FSTL5: variants seen among roughly 807,000 people sequenced by gnomAD.
FSTL5 encodes the protein follistatin like 5.
A neutral mutation model predicts 89.1 loss-of-function variants in FSTL5; 62 were observed. The ratio of observed to expected loss-of-function variants is 0.70; its 90% CI spans 0.57 to 0.86. The LOEUF is 0.86. Among genes scored for constraint, FSTL5 ranks in the 40% least tolerant of loss-of-function variants. The pLI, the probability that FSTL5 is intolerant of heterozygous loss-of-function variation, is 0.00. For missense variants in FSTL5, 1,057 were observed against 1,001.6 expected, an observed-to-expected ratio of 1.06 and a Z score of -0.75; for synonymous variants, 383 against 346.2, an observed-to-expected ratio of 1.11 and a Z score of -1.18.
intron 3 of FSTL5, among the ~76,000 whole-genome samples, chr4:162,000,589 C>T (rs1416473869): frequency 6.7e-6 from 1 of 149,658 alleles, no homozygotes; most frequent in African/African-American, 2.5e-5. Flanking sequence ...CAGAGCGAGA[C>T]TCAGTCTAAA....
At chr4:161,629,093 T>G (rs1735409309) in intron 7 of FSTL5, among the ~76,000 whole-genome samples, 1 of 152,144 alleles carries the variant, frequency 6.6e-6, no homozygotes, top group African/African-American at 2.4e-5. Flanking sequence ...TAAGTTTGCT[T>G]TGTCCCTGAA....
intron 13 of FSTL5, among the ~76,000 whole-genome samples, chr4:161,471,838 G>T (rs1205169079): frequency 6.6e-6 from 1 of 151,984 alleles, no homozygotes; most frequent in Non-Finnish European, 1.5e-5. Flanking sequence ...ACATACAATT[G>T]TTCATGGTAC....
At chr4:161,646,403 G>A (rs1008830009) in intron 7 of FSTL5, among the ~76,000 whole-genome samples, 5 of 150,850 alleles carry the variant, frequency 3.3e-5, no homozygotes, top group African/African-American at 1.2e-4. Flanking sequence ...TAAAATCTCT[G>A]TCTCTGAAAT....
chr4:161,637,709 A>G (rs1389000202), intron 7 of FSTL5, among the ~76,000 whole-genome samples: 2 of 117,638 alleles, frequency 1.7e-5, no homozygotes, highest in Non-Finnish European at 3.4e-5. Flanking sequence ...AGCACCATTT[A>G]TTAAATAGGG....
At chr4:161,959,767 T>C (rs933380129) in intron 3 of FSTL5, among the ~76,000 whole-genome samples, 34 of 152,214 alleles carry the variant, frequency 2.2e-4, no homozygotes, top group Middle Eastern at 3.4e-3. Context: ...TGGGTGAGAA[T>C]TGGACATCTG....
intron 3 of FSTL5, among the ~76,000 whole-genome samples, chr4:162,020,817 G>A (rs1257127561): frequency 1.3e-5 from 2 of 151,876 alleles, no homozygotes; most frequent in Non-Finnish European, 2.9e-5. Flanking sequence ...AAAGATAAAA[G>A]TATTTCAAAT....
intron 2 of FSTL5, among the ~76,000 whole-genome samples, chr4:162,039,094 C>T (rs533428080): frequency 2.8e-4 from 43 of 151,894 alleles, no homozygotes; most frequent in African/African-American, 9.6e-4. Context: ...CATGGAGAGA[C>T]ATAAGAGTGA....
At chr4:161,724,351 C>T (rs544879053) in intron 6 of FSTL5, among the ~76,000 whole-genome samples, 2 of 151,588 alleles carry the variant, frequency 1.3e-5, no homozygotes, top group Non-Finnish European at 2.9e-5. Flanking sequence ...ACTAATAGGC[C>T]GATGTACATA....
At chr4:161,490,612 T>G (rs1729835615) in intron 12 of FSTL5, among the ~76,000 whole-genome samples, 1 of 152,168 alleles carries the variant, frequency 6.6e-6, no homozygotes, top group South Asian at 2.1e-4. Flanking sequence ...CCATATTGTC[T>G]AGCACAGAAG....
intron 8 of FSTL5, among the ~76,000 whole-genome samples, chr4:161,556,080 A>G (rs1244855451): frequency 4.0e-5 from 6 of 151,614 alleles, no homozygotes; most frequent in African/African-American, 1.4e-4. Context: ...CTGTCTAAAT[A>G]CAATCTAGGA....
At chr4:162,112,775 T>TCACACAGACACACACACACA (rs1731494511) in intron 1 of FSTL5, among the ~76,000 whole-genome samples, 1 of 139,328 alleles carries the variant, frequency 7.2e-6, no homozygotes, top group East Asian at 2.2e-4. Flanking sequence ...ACCGACACAA[T>TCACACAGACACACACACACA]CACACACACA....
At chr4:161,817,544 C>T (rs939418787) in intron 4 of FSTL5, among the ~76,000 whole-genome samples, 2 of 152,138 alleles carry the variant, frequency 1.3e-5, no homozygotes, top group Non-Finnish European at 2.9e-5. Context: ...ACTCTGTATT[C>T]TCATGGTTTG....
intron 3 of FSTL5, among the ~76,000 whole-genome samples, chr4:161,981,382 A>G (rs1735822808): frequency 6.6e-6 from 1 of 152,210 alleles, no homozygotes; most frequent in Non-Finnish European, 1.5e-5. Context: ...AAGAAAGCAG[A>G]GTAATGAAAA....
intron 13 of FSTL5, among the ~76,000 whole-genome samples, chr4:161,470,103 T>G (rs1260162998): frequency 1.3e-5 from 2 of 151,590 alleles, no homozygotes; most frequent in Non-Finnish European, 2.9e-5. Flanking sequence ...TTTAAAAAAA[T>G]TATTAAGTCC....
At chr4:161,432,838 G>A (rs916246142) in intron 15 of FSTL5, among the ~76,000 whole-genome samples, 5 of 151,812 alleles carry the variant, frequency 3.3e-5, no homozygotes, top group South Asian at 2.1e-4. Flanking sequence ...TAAAAGAAAC[G>A]GATACATTCC....
intron 1 of FSTL5, among the ~76,000 whole-genome samples, chr4:162,112,865 A>G (rs915680453): frequency 4.0e-5 from 6 of 151,134 alleles, no homozygotes; most frequent in African/African-American, 1.5e-4. Context: ...TGGCCATTCC[A>G]TGTTGTTGTT....
Position 161,437,688 on chromosome 4 carries a change from A to G in FSTL5, c.1841+17316T>C, listed in dbSNP as rs540487997. The stretch of plus-strand genomic sequence containing the variant: ...GCAATGACTTAATTACAAATGCAAT[A>G]TAAGCAAGAAGGCAATTCAACAAAT... On this transcript the variant is annotated intron_variant, in intron 15 of 15. Coordinates refer to ENST00000306100, the MANE Select transcript of FSTL5 (RefSeq NM_020116.5). Among the ~76,000 whole-genome samples, 4 of 152,250 alleles carry G rather than the reference A, an allele frequency of 2.6e-5. No individual in the cohort carries two copies. The South Asian group carries it at 8.3e-4, about 32-fold the overall frequency.
At chr4:161,503,922 A>G (rs572272008) in intron 11 of FSTL5, among the ~76,000 whole-genome samples, 1 of 151,956 alleles carries the variant, frequency 6.6e-6, no homozygotes, top group East Asian at 1.9e-4. Context: ...CTAAGATGTC[A>G]TTCACATTTT....
chr4:161,964,051 T>A (rs1735255788), intron 3 of FSTL5, among the ~76,000 whole-genome samples: 1 of 152,022 alleles, frequency 6.6e-6, no homozygotes, highest in South Asian at 2.1e-4. Context: ...TCTAGATTTA[T>A]TCAGGCTTTA....
Sources: gnomAD v4.1 joint callset for allele counts (sites outside exome capture counted in the v4.1 genomes callset) on GRCh38, gnomAD v4.1.1 for gene constraint, MANE v1.5 for transcripts, NCBI Gene and HGNC (gene_info 2026-07-23, HGNC 2026-07-21) for gene names.